Variants in TTBK2 observed in about 807,000 individuals in gnomAD.
TTBK2 encodes the protein tau-tubulin kinase 2.
Under a neutral mutation model 110.8 loss-of-function variants are expected in TTBK2, and 28 were observed. The ratio of observed to expected loss-of-function variants is 0.25; its 90% confidence interval spans 0.19 to 0.35. The LOEUF (loss-of-function observed/expected upper bound fraction) is 0.35. Ranked by LOEUF, TTBK2 falls within the 10% of genes least tolerant of loss-of-function variation. The pLI is 1.00. For synonymous variants in TTBK2, 532 were observed against 527.3 expected, an observed-to-expected ratio of 1.01 and a Z score of -0.12; for missense variants, 1,369 against 1,500.3, an observed-to-expected ratio of 0.91 and a Z score of 1.45.
At chr15:42,849,514 T>C (rs1893609593) in intron 3 of TTBK2, among the ~76,000 whole-genome samples, 1 of 152,234 alleles carries the variant, frequency 6.6e-6, no homozygotes, top group Admixed American at 6.5e-5. Flanking sequence ...AGCTGAGTGA[T>C]TCTAGGTTGT....
At chr15:42,803,554 G>A (rs902083278) in intron 9 of TTBK2, among the ~76,000 whole-genome samples, 1 of 152,178 alleles carries the variant, frequency 6.6e-6, no homozygotes, top group Non-Finnish European at 1.5e-5. Flanking sequence ...CCTTTCAGGG[G>A]CTCAGTCAGT....
Position 42,742,831 on chromosome 15 carries a change from C to T in TTBK2, c.*2964G>A, listed in dbSNP as rs2061758990. The T allele has an allele frequency of 6.6e-6, 1 of 152,170 alleles. No individual in the cohort carries two copies. The highest frequency in any genetic ancestry group is 2.1e-4 in the South Asian group (1 of 4,830). 9.4% of individuals were successfully genotyped at this position (152,170 alleles called of 1,614,324 possible). On this transcript the variant is annotated 3_prime_UTR_variant, in exon 15 of 15. Coordinates refer to ENST00000267890, the MANE Select transcript of TTBK2 (RefSeq NM_173500.4). ...TGGTTTAAAATTACTTGATCTATGT[C>T]ACTGAAACCTGAAATATGCCATCAC...
intron 1 of TTBK2, among the ~76,000 whole-genome samples, chr15:42,892,785 G>A (rs554546919): frequency 1.5e-4 from 22 of 150,730 alleles, no homozygotes; most frequent in Middle Eastern, 3.5e-3. Context: ...TGAGGCAGGC[G>A]GATCACCTGA....
chr15:42,786,394 T>G (rs1832737397), intron 10 of TTBK2, among the ~76,000 whole-genome samples: 1 of 152,238 alleles, frequency 6.6e-6, no homozygotes, highest in Admixed American at 6.5e-5. Context: ...AAATGTTTAT[T>G]GAAAGAATTC....
At chr15:42,887,834 T>C (rs1895305335) in intron 1 of TTBK2, among the ~76,000 whole-genome samples, 1 of 152,174 alleles carries the variant, frequency 6.6e-6, no homozygotes, top group Admixed American at 6.5e-5. Context: ...TGGGCTGTAC[T>C]GCCGCAAAGC....
chr15:42,879,921 T>C (rs1894970970), intron 1 of TTBK2, among the ~76,000 whole-genome samples: 1 of 148,750 alleles, frequency 6.7e-6, no homozygotes. Flanking sequence ...CACATAAGCC[T>C]GGAAGGTTGA....
rs1442779070 is a variant in TTBK2, at chr15:42,828,042, TAAA to T, written c.433-13_433-11del. The T allele has an allele frequency of 6.3e-7, 1 of 1,598,162 alleles. No homozygotes were observed. ...CCATAGCGAAGTTCGACTAGAAAAATAAAGAAGGAAAATATATACATTCTTATA... is the reference window on the plus strand; with the variant it reads ...CCATAGCGAAGTTCGACTAGAAAAATGAAGGAAAATATATACATTCTTATA... On this transcript the variant is annotated splice_polypyrimidine_tract_variant and intron_variant, in intron 5 of 14. Transcript: ENST00000267890.
chr15:42,760,374 G>C (rs1349325778), intron 13 of TTBK2, among the ~76,000 whole-genome samples: 2 of 101,748 alleles, frequency 2.0e-5, no homozygotes, highest in African/African-American at 4.1e-5. Context: ...GGCAGAGTGA[G>C]ACTCCATCTC....
At chr15:42,894,965 AT>A (rs1362697219) in intron 1 of TTBK2, among the ~76,000 whole-genome samples, 1 of 152,218 alleles carries the variant, frequency 6.6e-6, no homozygotes, top group Non-Finnish European at 1.5e-5. Flanking sequence ...TGAAAACCAC[AT>A]GACCTATCAT....
chr15:42,767,665 C>T (rs1448465466), intron 13 of TTBK2, among the ~76,000 whole-genome samples: 1 of 152,126 alleles, frequency 6.6e-6, no homozygotes, highest in East Asian at 1.9e-4. Context: ...GGATTCATAG[C>T]CATATTCTAC....
intron 3 of TTBK2, among the ~76,000 whole-genome samples, chr15:42,868,561 A>G (rs1476922755): frequency 1.3e-5 from 2 of 152,070 alleles, no homozygotes; most frequent in Non-Finnish European, 2.9e-5. Flanking sequence ...TAAATTTAAT[A>G]TTTGCCTGTC....
At chr15:42,796,400 C>CA (rs544574085) in intron 9 of TTBK2, among the ~76,000 whole-genome samples, 332 of 147,002 alleles carry the variant, frequency 2.3e-3, no homozygotes, top group African/African-American at 7.6e-3. Context: ...ACTCGGGTCT[C>CA]AAAAAAAAAG....
intron 12 of TTBK2, among the ~76,000 whole-genome samples, chr15:42,776,044 A>T (rs772179980): frequency 6.6e-6 from 1 of 152,164 alleles, no homozygotes; most frequent in Non-Finnish European, 1.5e-5. Context: ...AAATGTATAA[A>T]CCAATGCCCC....
intron 4 of TTBK2, among the ~76,000 whole-genome samples, chr15:42,835,090 A>G (rs967110760): frequency 6.6e-5 from 10 of 152,210 alleles, no homozygotes; most frequent in African/African-American, 2.2e-4. Flanking sequence ...AGTGGTTTTG[A>G]AGAAGAATTC....
intron 8 of TTBK2, among the ~76,000 whole-genome samples, chr15:42,811,277 A>G (rs1891710256): frequency 6.6e-6 from 1 of 152,202 alleles, no homozygotes; most frequent in Non-Finnish European, 1.5e-5. Flanking sequence ...CATAGATGTG[A>G]GCCATTGCAC....
At chr15:42,813,377 C>A (rs764636701) in intron 7 of TTBK2, among the ~76,000 whole-genome samples, 1 of 151,666 alleles carries the variant, frequency 6.6e-6, no homozygotes, top group Admixed American at 6.6e-5. Context: ...CAAAAATTAG[C>A]CAAGTGTGGT....
At chr15:42,798,102 T>G (rs2140882265) in intron 9 of TTBK2, 1 of 397,552 alleles carries the variant, frequency 2.5e-6, no homozygotes, top group East Asian at 7.3e-5. Context: ...CAGGATGGTC[T>G]GAAACTCCTG....
intron 14 of TTBK2, among the ~76,000 whole-genome samples, chr15:42,750,378 T>A (rs2061849256): frequency 6.6e-6 from 1 of 151,592 alleles, no homozygotes; most frequent in Non-Finnish European, 1.5e-5. Flanking sequence ...AAGAAAACAA[T>A]GTATGAACAA....
intron 4 of TTBK2, among the ~76,000 whole-genome samples, chr15:42,838,815 C>CA (rs200066867): frequency 7.8e-4 from 112 of 144,082 alleles, no homozygotes; most frequent in African/African-American, 2.4e-3. Flanking sequence ...GACTCCATCT[C>CA]AAAAAAAAAA....
Sources: gnomAD v4.1 joint callset for allele counts (sites outside exome capture counted in the v4.1 genomes callset) on GRCh38, gnomAD v4.1.1 for gene constraint, MANE v1.5 for transcripts, NCBI Gene and HGNC (gene_info 2026-07-23, HGNC 2026-07-21) for gene names.